COL25A1: variants seen among roughly 807,000 people sequenced by gnomAD.
COL25A1 encodes the protein collagen alpha-1(XXV) chain.
In COL25A1, 103 loss-of-function variants were observed where a neutral mutation model predicts 128.4. The ratio of observed to expected loss-of-function variants is 0.80; its 90% CI spans 0.68 to 0.94. The LOEUF is 0.94. Ranked by LOEUF, COL25A1 falls within the 40% of genes least tolerant of loss-of-function variation. The pLI is 0.00. For synonymous variants in COL25A1, 279 were observed against 277.2 expected (o/e 1.01, Z -0.06); for missense variants, 745 against 840.0 (o/e 0.89, Z 1.40).
At chr4:108,928,405 T>C (rs936232295) in intron 11 of COL25A1, among the ~76,000 whole-genome samples, 2 of 152,258 alleles carry the variant, frequency 1.3e-5, no homozygotes, top group African/African-American at 4.8e-5. Context: ...AGAAACATTC[T>C]ATATTGGTCA....
At chr4:109,053,370 T>C (rs1277861447) in intron 3 of COL25A1, among the ~76,000 whole-genome samples, 1 of 152,200 alleles carries the variant, frequency 6.6e-6, no homozygotes, top group African/African-American at 2.4e-5. Context: ...GCAAGCCTCC[T>C]AAACCACGCC....
chr4:109,001,372 C>CAGGAATCTGAGATCCTGTCAGGT (rs1755346918), intron 6 of COL25A1, among the ~76,000 whole-genome samples: 2 of 24,146 alleles, frequency 8.3e-5, no homozygotes, highest in Non-Finnish European at 1.3e-4. Context: ...TTAAAAGAAA[C>CAGGAATCTGAGATCCTGTCAGGT]AGGCATCTGA....
chr4:109,296,356 A>C (rs1724989946), intron 3 of COL25A1, among the ~76,000 whole-genome samples: 2 of 152,072 alleles, frequency 1.3e-5, no homozygotes, highest in African/African-American at 4.8e-5. Flanking sequence ...CAAAAATGGA[A>C]GAGATTTTAG....
At chr4:109,101,755 A>C (rs2126023273) in intron 3 of COL25A1, among the ~76,000 whole-genome samples, 1 of 152,256 alleles carries the variant, frequency 6.6e-6, no homozygotes, top group East Asian at 1.9e-4. Flanking sequence ...GACAAAGCAC[A>C]CTCGTCAGGC....
chr4:109,051,648 C>CACACAG (rs33959198), intron 3 of COL25A1, among the ~76,000 whole-genome samples: 55 of 142,490 alleles, frequency 3.9e-4, no homozygotes, highest in African/African-American at 1.3e-3. Flanking sequence ...CACACACACA[C>CACACAG]AGACATAATC....
At chr4:109,144,297 G>A (rs1274897336) in intron 3 of COL25A1, among the ~76,000 whole-genome samples, 1 of 152,186 alleles carries the variant, frequency 6.6e-6, no homozygotes, top group Non-Finnish European at 1.5e-5. Context: ...CCTGCTAGAT[G>A]CCAGCTGGAG....
intron 3 of COL25A1, among the ~76,000 whole-genome samples, chr4:109,152,169 T>C (rs2704108): frequency 0.63 from 95,677 of 151,774 alleles, 30,653 homozygotes; most frequent in East Asian, 0.75. Context: ...GTATGTATTA[T>C]GGAAAAAACA....
intron 6 of COL25A1, among the ~76,000 whole-genome samples, chr4:109,005,732 AT>A (rs1430250155): frequency 6.6e-6 from 1 of 152,138 alleles, no homozygotes; most frequent in Non-Finnish European, 1.5e-5. Flanking sequence ...CTAAGGGAGA[AT>A]TTGTTTGTAG....
chr4:108,929,697 C>T (rs894711271), intron 11 of COL25A1, among the ~76,000 whole-genome samples: 7 of 151,970 alleles, frequency 4.6e-5, no homozygotes, highest in African/African-American at 1.7e-4. Context: ...TATGGTGGTG[C>T]ATGCCTTAGT....
chr4:109,085,461 T>C (rs1764267595), intron 3 of COL25A1, among the ~76,000 whole-genome samples: 1 of 152,216 alleles, frequency 6.6e-6, no homozygotes, highest in African/African-American at 2.4e-5. Context: ...CGTCTCAATT[T>C]AGGTCAATTT....
chr4:109,176,600 A>G (rs1426662687), intron 3 of COL25A1, among the ~76,000 whole-genome samples: 1 of 152,196 alleles, frequency 6.6e-6, no homozygotes, highest in African/African-American at 2.4e-5. Context: ...TATATTGGGT[A>G]GAACTCTGGT....
chr4:108,901,248 G>A (rs1329638267), intron 13 of COL25A1, 76 bp from the exon 14 acceptor site: 2 of 987,072 alleles, frequency 2.0e-6, no homozygotes, highest in Non-Finnish European at 3.2e-6. Flanking sequence ...AGAGGAGACA[G>A]CCATCTAATA....
chr4:108,818,445 T>C (rs1385655820), intron 36 of COL25A1, among the ~76,000 whole-genome samples: 1 of 152,118 alleles, frequency 6.6e-6, no homozygotes, highest in Non-Finnish European at 1.5e-5. Context: ...AAAATATGAA[T>C]ATACTTTCAT....
intron 3 of COL25A1, among the ~76,000 whole-genome samples, chr4:109,217,531 A>G (rs1778084352): frequency 7.6e-6 from 1 of 130,968 alleles, no homozygotes; most frequent in East Asian, 2.2e-4. Flanking sequence ...GGAAACACTG[A>G]AGCTTTGAAA....
At chr4:109,298,547 C>A (rs2126291608) in intron 3 of COL25A1, among the ~76,000 whole-genome samples, 1 of 152,270 alleles carries the variant, frequency 6.6e-6, no homozygotes, top group Non-Finnish European at 1.5e-5. Flanking sequence ...AGAGCCAAAC[C>A]AGGTGGAAGT....
chr4:108,840,578 A>G (rs1459875644), intron 31 of COL25A1, among the ~76,000 whole-genome samples: 1 of 152,156 alleles, frequency 6.6e-6, no homozygotes, highest in African/African-American at 2.4e-5. Flanking sequence ...GGGTGGGCCA[A>G]AGAGAGCCAG....
intron 19 of COL25A1, among the ~76,000 whole-genome samples, chr4:108,879,457 G>C (rs555598443): frequency 7.3e-5 from 11 of 151,278 alleles, no homozygotes; most frequent in African/African-American, 2.4e-4. Context: ...TTTTGTTGTT[G>C]TTCTTCTTGA....
chr4:108,940,599 GCCTGGAGGGCCAGGGGGT>G lies in COL25A1; in HGVS notation c.594_611del (p.Pro200_Pro205del). 1 of 1,611,774 alleles carries G rather than the reference GCCTGGAGGGCCAGGGGGT, an allele frequency of 6.2e-7. No individual in the cohort carries two copies. Among genetic ancestry groups the G allele is most frequent in the Non-Finnish European group, 8.5e-7 (1 of 1,178,768 alleles). ...CTGTGTCCCCAGGTGGCCCTCTTGG[GCCTGGAGGGCCAGGGGGT>G]CCTGGAGGCCCTGCCTGTCCTTGGT... On this transcript the variant is annotated inframe_deletion, in exon 10 of 38. Coordinates refer to ENST00000399132, the MANE Select transcript of COL25A1 (RefSeq NM_198721.4).
chr4:108,965,257 G>C (rs1751160713), intron 8 of COL25A1, among the ~76,000 whole-genome samples: 1 of 152,174 alleles, frequency 6.6e-6, no homozygotes, highest in African/African-American at 2.4e-5. Context: ...GTGAAGCAGA[G>C]CTTCTGGGTG....
Sources: gnomAD v4.1 joint callset for allele counts (sites outside exome capture counted in the v4.1 genomes callset) on GRCh38, gnomAD v4.1.1 for gene constraint, MANE v1.5 for transcripts, NCBI Gene and HGNC (gene_info 2026-07-23, HGNC 2026-07-21) for gene names.